DGKB: variants seen among roughly 807,000 people sequenced by gnomAD.
DGKB encodes diacylglycerol kinase beta.
In DGKB, 67 loss-of-function variants were observed where a neutral mutation model predicts 114.3. The observed-to-expected ratio is 0.59, with a 90% CI of 0.48 to 0.72. The LOEUF (loss-of-function observed/expected upper bound fraction) is 0.72, where lower values mean the gene tolerates loss of function less well. Among genes scored for constraint, DGKB ranks in the 30% least tolerant of loss-of-function variants. The probability of loss-of-function intolerance (pLI) is 0.00; values close to 1 mark genes in which losing one functional copy is unlikely to be tolerated. For missense variants in DGKB, 907 were observed against 975.2 expected (o/e 0.93, Z 0.93); for synonymous variants, 398 against 323.1 (o/e 1.23, Z -2.49).
At chr7:14,789,656 T>A (rs1306538564) in intron 2 of DGKB, among the ~76,000 whole-genome samples, 1 of 152,060 alleles carries the variant, frequency 6.6e-6, no homozygotes, top group Non-Finnish European at 1.5e-5. Flanking sequence ...CTGGCTCAAG[T>A]GATGCTCCTA....
upstream of DGKB, among the ~76,000 whole-genome samples, chr7:14,904,071 C>T (rs1783512145): frequency 6.6e-6 from 1 of 152,150 alleles, no homozygotes; most frequent in Non-Finnish European, 1.5e-5. Context: ...AAAAATATGA[C>T]ATTCGGCAGA....
At position 14,740,637 on chromosome 7, in the gene DGKB, T is replaced by C. The variant is rs181732764; in HGVS notation, c.169-4443A>G. ...GAAGTTAAAAGGCAAACACCACAGATGAGCATGACTAATTCCTGCTGATTA... is the reference window on the plus strand; with the variant it reads ...GAAGTTAAAAGGCAAACACCACAGACGAGCATGACTAATTCCTGCTGATTA... On this transcript the variant is annotated intron_variant, in intron 4 of 25. Transcript: ENST00000402815. 1.2e-4 allele frequency among the ~76,000 whole-genome samples: 18 copies of C among 152,222 alleles called. 1 individual carries two copies. In the East Asian group the frequency reaches 3.3e-3, roughly 28 times the overall value.
In DGKB at chr7:14,290,898, T is replaced by G. The variant is rs536476456; in HGVS notation, c.2122+47617A>C. On this transcript the variant is annotated intron_variant, in intron 23 of 25. Coordinates refer to ENST00000402815, the MANE Select transcript of DGKB (RefSeq NM_001350709.2). Reference sequence around the variant, plus strand: ...TGGCACACGCCTGTAGTCCCAGCACTTGGGAGGTTGAGGTGGGTGTATCAC... The same window carrying G: ...TGGCACACGCCTGTAGTCCCAGCACGTGGGAGGTTGAGGTGGGTGTATCAC... 6.6e-5 allele frequency among the ~76,000 whole-genome samples: 10 copies of G among 151,756 alleles called. No homozygotes were observed. The East Asian group carries it at 1.4e-3, about 21-fold the overall frequency.
intron 1 of DGKB, among the ~76,000 whole-genome samples, chr7:14,871,225 A>G (rs1160814145): frequency 6.6e-6 from 1 of 152,198 alleles, no homozygotes; most frequent in African/African-American, 2.4e-5. Flanking sequence ...CATATCCATC[A>G]CCGCATATAT....
intron 1 of DGKB, among the ~76,000 whole-genome samples, chr7:14,923,956 C>A (rs560715029): frequency 7.6e-6 from 1 of 132,016 alleles, no homozygotes; most frequent in Non-Finnish European, 1.5e-5. Flanking sequence ...TGCACTCCAA[C>A]CTGGGCAACA....
chr7:14,603,295 G>A (rs79740156), intron 17 of DGKB, among the ~76,000 whole-genome samples: 4,359 of 151,948 alleles, frequency 0.029, 219 homozygotes, highest in African/African-American at 0.1. Flanking sequence ...AGAGTTGAGT[G>A]CTTCACTTTT....
At chr7:14,741,468 C>G (rs937731086) in intron 4 of DGKB, among the ~76,000 whole-genome samples, 1 of 152,146 alleles carries the variant, frequency 6.6e-6, no homozygotes, top group Non-Finnish European at 1.5e-5. Context: ...ACCCCATAGC[C>G]CACTATTCAA....
intron 2 of DGKB, among the ~76,000 whole-genome samples, chr7:14,813,331 A>G (rs1843677377): frequency 6.6e-6 from 1 of 152,226 alleles, no homozygotes; most frequent in African/African-American, 2.4e-5. Context: ...TCTCCTATTT[A>G]GTATACCTAT....
chr7:14,508,444 C>G (rs1787448370), intron 20 of DGKB, among the ~76,000 whole-genome samples: 1 of 152,180 alleles, frequency 6.6e-6, no homozygotes, highest in African/African-American at 2.4e-5. Context: ...TGAAATGTCT[C>G]AAATTATTGC....
intron 2 of DGKB, among the ~76,000 whole-genome samples, chr7:14,835,925 A>G (rs1847098425): frequency 6.6e-6 from 1 of 152,232 alleles, no homozygotes; most frequent in Non-Finnish European, 1.5e-5. Context: ...GCTTACTGCG[A>G]GGATTAAATG....
chr7:14,199,535 C>T (rs1785520854), intron 23 of DGKB, among the ~76,000 whole-genome samples: 1 of 151,986 alleles, frequency 6.6e-6, no homozygotes, highest in Non-Finnish European at 1.5e-5. Flanking sequence ...GGACTGGGCT[C>T]ACTGTGAACT....
At chr7:14,480,498 G>GT (rs1563282769) in intron 20 of DGKB, among the ~76,000 whole-genome samples, 1 of 152,036 alleles carries the variant, frequency 6.6e-6, no homozygotes, top group Non-Finnish European at 1.5e-5. Flanking sequence ...GGGCTTGATA[G>GT]AGTACTGCCA....
chr7:14,801,874 A>G (rs1028255026), intron 2 of DGKB, among the ~76,000 whole-genome samples: 1 of 151,674 alleles, frequency 6.6e-6, no homozygotes. Flanking sequence ...ATATATATAC[A>G]TATGTGTGTG....
chr7:14,731,154 T>C (rs1428173153), intron 5 of DGKB, among the ~76,000 whole-genome samples: 6 of 152,178 alleles, frequency 3.9e-5, no homozygotes, highest in Non-Finnish European at 7.3e-5. Context: ...GGGAAGTGGA[T>C]AGATTCTTGG....
chr7:14,694,070 C>T lies in DGKB; in HGVS notation c.711+5G>A, dbSNP rs1402286522. 7 of 1,577,260 alleles carry T rather than the reference C, an allele frequency of 4.4e-6. No individual in the cohort carries two copies. Among genetic ancestry groups the T allele is most frequent in the East Asian group, 2.3e-5 (1 of 43,802 alleles). ...CAGGCCACCCTCCTCTGTGGAAATGCTTACATTTTCTAAGCCCAGGAGCAC... is the reference window on the plus strand; with the variant it reads ...CAGGCCACCCTCCTCTGTGGAAATGTTTACATTTTCTAAGCCCAGGAGCAC... On this transcript the variant is annotated splice_donor_5th_base_variant and intron_variant, in intron 9 of 25. Transcript: ENST00000402815.
chr7:14,694,161 C>T lies in DGKB; in HGVS notation c.625G>A (p.Asp209Asn). The T allele has an allele frequency of 1.9e-6, 3 of 1,582,700 alleles. No homozygotes were observed. The South Asian group carries it at 3.5e-5, about 18-fold the overall frequency. Reference sequence around the variant, plus strand: ...TCCAGAGACACGGTTCCATCATGATCATAGTCAATTTCTTCCATCATTTCA... The same window carrying T: ...TCCAGAGACACGGTTCCATCATGATTATAGTCAATTTCTTCCATCATTTCA... ...LHEMMEEIDYDHDGTVSLEEW... is the reference protein window; with the variant it reads ...LHEMMEEIDYNHDGTVSLEEW... Residue 209 changes from aspartate (D) to asparagine (N), a missense_variant, in exon 9 of 26, where the codon GAT (aspartate) becomes AAT (asparagine). Physicochemically the swap from Asp to Asn is conservative, Grantham distance 23 (BLOSUM62 1). Coordinates refer to ENST00000402815, the MANE Select transcript of DGKB (RefSeq NM_001350709.2).
At chr7:14,929,848 G>C (rs1274466662) in intron 1 of DGKB, among the ~76,000 whole-genome samples, 1 of 152,064 alleles carries the variant, frequency 6.6e-6, no homozygotes, top group Non-Finnish European at 1.5e-5. Flanking sequence ...TATTATTGTA[G>C]TTTATGGTCT....
intron 25 of DGKB, among the ~76,000 whole-genome samples, chr7:14,162,184 T>C (rs1783996761): frequency 6.6e-6 from 1 of 152,208 alleles, no homozygotes; most frequent in African/African-American, 2.4e-5. Context: ...AAGGCAAATG[T>C]GAGAGGATAG....
intron 1 of DGKB, among the ~76,000 whole-genome samples, chr7:14,955,751 T>C (rs1172323368): frequency 1.3e-5 from 2 of 152,064 alleles, no homozygotes; most frequent in East Asian, 3.9e-4. Flanking sequence ...GTGCTGCTGA[T>C]AAACGAAGCT....
Sources: gnomAD v4.1 joint callset for allele counts (sites outside exome capture counted in the v4.1 genomes callset) on GRCh38, gnomAD v4.1.1 for gene constraint, MANE v1.5 for transcripts, NCBI Gene and HGNC (gene_info 2026-07-23, HGNC 2026-07-21) for gene names.